DKK2: variants seen among roughly 807,000 people sequenced by gnomAD.
DKK2 encodes the protein dickkopf Wnt signaling pathway inhibitor 2, also known as dickkopf-related protein 2.
A neutral mutation model predicts 28.1 loss-of-function variants in DKK2; 11 were observed. The observed-to-expected ratio is 0.39, with a 90% CI of 0.25 to 0.65. DKK2 has a LOEUF of 0.65. DKK2 is among the 30% of genes least tolerant of loss of function. The pLI, the probability that DKK2 is intolerant of heterozygous loss-of-function variation, is 0.47. For missense variants in DKK2, 326 were observed against 335.5 expected (o/e 0.97, Z 0.22); for synonymous variants, 135 against 126.5 (o/e 1.07, Z -0.45).
At chr4:106,928,795 G>T (rs1724460680) in intron 1 of DKK2, among the ~76,000 whole-genome samples, 1 of 152,126 alleles carries the variant, frequency 6.6e-6, no homozygotes, top group African/African-American at 2.4e-5. Flanking sequence ...TTTTATTTTA[G>T]TAAAGAGTTT....
intron 1 of DKK2, among the ~76,000 whole-genome samples, chr4:106,975,387 T>G (rs1722927646): frequency 6.6e-6 from 1 of 152,192 alleles, no homozygotes; most frequent in African/African-American, 2.4e-5. Context: ...TTTTTTTGGT[T>G]GCTAGGCTAT....
chr4:106,993,719 T>A (rs1326580843), intron 1 of DKK2, among the ~76,000 whole-genome samples: 1 of 152,192 alleles, frequency 6.6e-6, no homozygotes, highest in Non-Finnish European at 1.5e-5. Context: ...ATGTATACAG[T>A]TTTAATTCTT....
chr4:106,977,249 G>A (rs1472792698), intron 1 of DKK2, among the ~76,000 whole-genome samples: 1 of 152,050 alleles, frequency 6.6e-6, no homozygotes, highest in Admixed American at 6.5e-5. Flanking sequence ...GTATCTTTGT[G>A]GTGTTCTCTG....
intron 1 of DKK2, among the ~76,000 whole-genome samples, chr4:106,977,687 C>G (rs1553922841): frequency 6.6e-6 from 1 of 152,144 alleles, no homozygotes; most frequent in Non-Finnish European, 1.5e-5. Flanking sequence ...AGAACATGCT[C>G]CTTTAGCTCA....
At chr4:107,025,378 G>A (rs1196392724) in intron 1 of DKK2, among the ~76,000 whole-genome samples, 1 of 152,180 alleles carries the variant, frequency 6.6e-6, no homozygotes, top group African/African-American at 2.4e-5. Context: ...GCACACAGCA[G>A]AAGAGAAGAA....
At chr4:107,008,381 T>C (rs1723467942) in intron 1 of DKK2, among the ~76,000 whole-genome samples, 1 of 151,996 alleles carries the variant, frequency 6.6e-6, no homozygotes, top group Admixed American at 6.6e-5. Context: ...ATAATTATAA[T>C]GAGGATAAAT....
chr4:106,966,768 C>T (rs574776110), intron 1 of DKK2, among the ~76,000 whole-genome samples: 13 of 152,214 alleles, frequency 8.5e-5, no homozygotes, highest in Non-Finnish European at 1.6e-4. Flanking sequence ...AGAGAGAGAG[C>T]TTGTGCAGGG....
chr4:107,026,577 G>T (rs1379372714), intron 1 of DKK2, among the ~76,000 whole-genome samples: 2 of 152,066 alleles, frequency 1.3e-5, no homozygotes, highest in Non-Finnish European at 2.9e-5. Flanking sequence ...GAAACAAAAA[G>T]CACCTGTTTT....
chr4:106,964,960 T>TAGATATAGATAG (rs1553922185), intron 1 of DKK2, among the ~76,000 whole-genome samples: 50 of 146,440 alleles, frequency 3.4e-4, no homozygotes, highest in South Asian at 8.9e-4. Flanking sequence ...GATAGATAGA[T>TAGATATAGATAG]ATAGATAGAT....
intron 1 of DKK2, among the ~76,000 whole-genome samples, chr4:106,926,195 C>T (rs574064879): frequency 1.2e-4 from 19 of 152,142 alleles, no homozygotes; most frequent in South Asian, 2.1e-4. Context: ...ATTGACACAA[C>T]GCTAGAGTTA....
At position 106,922,929 on chromosome 4, in the gene DKK2, C is replaced by G. The variant is rs1724368741; in HGVS notation, c.*1025G>C. 1 of 152,162 alleles carries G rather than the reference C, an allele frequency of 6.6e-6. No individual in the cohort carries two copies. Among genetic ancestry groups the G allele is most frequent in the Non-Finnish European group, 1.5e-5 (1 of 68,036 alleles). 9.4% of individuals were successfully genotyped at this position (152,162 alleles called of 1,614,324 possible). A position where few individuals can be genotyped will look rare whatever the true frequency, so the allele number is the denominator to read the frequency against. On this transcript the variant is annotated 3_prime_UTR_variant, in exon 4 of 4. Coordinates refer to ENST00000285311, the MANE Select transcript of DKK2 (RefSeq NM_014421.3). ...TTGCTTACTCCAGTGCAGTACAGATCCAGCTCAAGTCTCTATTACCACAGA... is the reference window on the plus strand; with the variant it reads ...TTGCTTACTCCAGTGCAGTACAGATGCAGCTCAAGTCTCTATTACCACAGA...
chr4:106,959,451 G>A (rs559110464), intron 1 of DKK2, among the ~76,000 whole-genome samples: 166 of 151,848 alleles, frequency 1.1e-3, no homozygotes, highest in African/African-American at 3.6e-3. Context: ...ATTTATCTGG[G>A]GAGTCCATTT....
chr4:107,001,386 C>G (rs1456760138), intron 1 of DKK2, among the ~76,000 whole-genome samples: 1 of 152,192 alleles, frequency 6.6e-6, no homozygotes, highest in African/African-American at 2.4e-5. Context: ...GTTACAGCAA[C>G]TCCAGGAAAT....
At chr4:106,951,562 A>C (rs1724860297) in intron 1 of DKK2, among the ~76,000 whole-genome samples, 2 of 152,152 alleles carry the variant, frequency 1.3e-5, no homozygotes, top group Non-Finnish European at 2.9e-5. Flanking sequence ...TGTTAAGTGA[A>C]ATAAGCAAGA....
intron 1 of DKK2, among the ~76,000 whole-genome samples, chr4:106,971,588 C>T (rs1472585416): frequency 1.4e-4 from 21 of 152,016 alleles, no homozygotes; most frequent in South Asian, 2.1e-4. Context: ...TAAACAAAGT[C>T]CCCCTACATC....
intron 1 of DKK2, among the ~76,000 whole-genome samples, chr4:107,029,541 T>C (rs1723845313): frequency 6.6e-6 from 1 of 152,180 alleles, no homozygotes; most frequent in African/African-American, 2.4e-5. Context: ...CCCTTTATTA[T>C]AAGTTATTGT....
intron 1 of DKK2, among the ~76,000 whole-genome samples, chr4:106,990,646 G>C (rs1266799254): frequency 1.3e-5 from 2 of 152,086 alleles, no homozygotes; most frequent in African/African-American, 2.4e-5. Context: ...ATTGAACACA[G>C]ACTTGTGGAA....
chr4:106,950,349 C>T (rs984193951), intron 1 of DKK2, among the ~76,000 whole-genome samples: 2 of 152,160 alleles, frequency 1.3e-5, no homozygotes, highest in African/African-American at 4.8e-5. Context: ...AGAATCCAGC[C>T]TCTTCTGAAT....
chr4:106,949,047 T>G (rs1236070966), intron 1 of DKK2, among the ~76,000 whole-genome samples: 10 of 152,174 alleles, frequency 6.6e-5, no homozygotes, highest in Non-Finnish European at 1.2e-4. Flanking sequence ...CCTTTCCCTT[T>G]GTGTATACGG....
Sources: gnomAD v4.1 joint callset for allele counts (sites outside exome capture counted in the v4.1 genomes callset) on GRCh38, gnomAD v4.1.1 for gene constraint, MANE v1.5 for transcripts, NCBI Gene and HGNC (gene_info 2026-07-23, HGNC 2026-07-21) for gene names.